The following PAPSS1 variants were observed in gnomAD, a reference collection of about 807,000 sequenced individuals.
PAPSS1 encodes the protein 3'-phosphoadenosine 5'-phosphosulfate synthase 1.
PAPSS1 carries 50 observed loss-of-function variants against 72.0 expected under a neutral mutation model. That is an observed-to-expected ratio of 0.69 (90% confidence interval 0.55 to 0.88). PAPSS1 has a LOEUF of 0.88. Among genes scored for constraint, PAPSS1 ranks in the 40% least tolerant of loss-of-function variants. PAPSS1 has a pLI of 0.00. For missense variants in PAPSS1, 657 were observed against 782.2 expected (o/e 0.84, Z 1.91); for synonymous variants, 261 against 263.6 (o/e 0.99, Z 0.09).
rs1726233071 is a variant in PAPSS1 at position 107,631,849 on chromosome 4, A to G, written c.1518T>C (p.His506=). The G allele has an allele frequency of 6.2e-7, 1 of 1,612,454 alleles. No individual in the cohort carries two copies. ...MYAGPTEVQW[H]CRARMVAGAN... The stretch of plus-strand genomic sequence containing the variant: ...CTCCTGCAACCATCCGTGCTCTGCA[A>G]TGCCACTGGACCTAGAATAAAAGTT... Residue 506 remains histidine, a synonymous_variant, in exon 11 of 12, where the codon CAT becomes CAC. Transcript: ENST00000265174.
At chr4:107,715,849 T>G (rs2125944196) in intron 1 of PAPSS1, among the ~76,000 whole-genome samples, 1 of 152,320 alleles carries the variant, frequency 6.6e-6, no homozygotes, top group East Asian at 1.9e-4. Flanking sequence ...TCTTTAAACC[T>G]CACTATAACC....
At chr4:107,720,059 G>A (rs1723741009) in intron 1 of PAPSS1, 61 bp downstream of exon 1, 7 of 1,566,400 alleles carry the variant, frequency 4.5e-6, no homozygotes, top group Non-Finnish European at 5.2e-6. Context: ...CGGCGGCTCC[G>A]GAACGAGCTG....
chr4:107,661,126 T>C (rs1727169728), intron 5 of PAPSS1, among the ~76,000 whole-genome samples: 1 of 152,272 alleles, frequency 6.6e-6, no homozygotes, highest in South Asian at 2.1e-4. Flanking sequence ...TCATATGTCA[T>C]TAGGAAATTG....
intron 7 of PAPSS1, 57 bp downstream of exon 7, chr4:107,656,839 G>A: frequency 1.7e-6 from 2 of 1,201,408 alleles, no homozygotes; most frequent in Non-Finnish European, 2.5e-6. Context: ...ACAAATCTCT[G>A]CAACTATGTA....
chr4:107,679,731 A>G (rs972339881), intron 5 of PAPSS1, among the ~76,000 whole-genome samples: 2 of 150,468 alleles, frequency 1.3e-5, no homozygotes, highest in African/African-American at 4.9e-5. Flanking sequence ...CAGGCTGGAG[A>G]GCAGTGGCGC....
intron 1 of PAPSS1, among the ~76,000 whole-genome samples, chr4:107,703,797 T>G (rs559403340): frequency 1.3e-5 from 2 of 152,340 alleles, no homozygotes; most frequent in South Asian, 2.1e-4. Context: ...ACCTCCCGCT[T>G]TGTTATCTTT....
intron 4 of PAPSS1, among the ~76,000 whole-genome samples, chr4:107,686,183 C>T (rs17037987): frequency 0.039 from 5,936 of 152,166 alleles, 416 homozygotes; most frequent in African/African-American, 0.14. Flanking sequence ...GGAAGCGGAC[C>T]ATAAAACCTA....
At chr4:107,655,826 C>T (rs1467010345) in intron 7 of PAPSS1, among the ~76,000 whole-genome samples, 1 of 152,172 alleles carries the variant, frequency 6.6e-6, no homozygotes, top group African/African-American at 2.4e-5. Flanking sequence ...GTCCACAAGA[C>T]TTTGCAATTA....
chr4:107,634,716 C>T (rs537846447), intron 10 of PAPSS1, among the ~76,000 whole-genome samples: 1 of 148,918 alleles, frequency 6.7e-6, no homozygotes, highest in East Asian at 2.0e-4. Context: ...ATACATTACA[C>T]AAGTTGGAAA....
At chr4:107,627,864 T>C (rs1014459424) in intron 11 of PAPSS1, among the ~76,000 whole-genome samples, 11 of 152,140 alleles carry the variant, frequency 7.2e-5, no homozygotes, top group Admixed American at 7.2e-4. Flanking sequence ...GGTGTACATA[T>C]ATAGTATATA....
chr4:107,686,920 C>T, intron 4 of PAPSS1, 119 bp downstream of exon 4: 1 of 922,660 alleles, frequency 1.1e-6, no homozygotes, highest in Middle Eastern at 2.2e-4. Flanking sequence ...AGACTACATT[C>T]TCTCCTCAAG....
At chr4:107,667,174 A>G (rs981838616) in intron 5 of PAPSS1, among the ~76,000 whole-genome samples, 1 of 152,118 alleles carries the variant, frequency 6.6e-6, no homozygotes, top group Non-Finnish European at 1.5e-5. Context: ...CTACATAAAA[A>G]CTTCTAAATG....
At chr4:107,657,305 T>C (rs1031101220) in intron 6 of PAPSS1, among the ~76,000 whole-genome samples, 2 of 152,204 alleles carry the variant, frequency 1.3e-5, no homozygotes, top group African/African-American at 4.8e-5. Flanking sequence ...CTGCTTCATC[T>C]GCAGAGTTTC....
chr4:107,651,860 T>C (rs909365137), intron 9 of PAPSS1, among the ~76,000 whole-genome samples: 1 of 152,194 alleles, frequency 6.6e-6, no homozygotes, highest in Admixed American at 6.5e-5. Context: ...TTTCACTTTT[T>C]AAAGTAAAAT....
In PAPSS1 at chr4:107,614,364, G is replaced by A. The variant is rs1127014; in HGVS notation, c.1760C>T (p.Ser587Leu). 6.2e-7 allele frequency: 1 copy of A among 1,613,460 alleles called. No homozygotes were observed. The highest frequency in any genetic ancestry group is 1.1e-5 in the South Asian group (1 of 91,022). The change falls in exon 12 of 12, where the codon TCA (serine) becomes TTA (leucine). Residue 587 changes from serine (S) to leucine (L), a missense_variant. Ser to Leu is a moderately radical substitution (Grantham distance 145, BLOSUM62 -2). Coordinates refer to ENST00000265174, the MANE Select transcript of PAPSS1 (RefSeq NM_005443.5). Reference protein sequence around the residue: ...SEHHEDFEFISGTRMRKLARE... With the variant: ...SEHHEDFEFILGTRMRKLARE... ...AGCAAGTTTGCGCATTCGTGTTCCT[G>A]AAATAAATTCAAAGTCTTCATGGCT...
At chr4:107,633,196 A>T (rs1726266639) in intron 10 of PAPSS1, among the ~76,000 whole-genome samples, 1 of 152,208 alleles carries the variant, frequency 6.6e-6, no homozygotes, top group Non-Finnish European at 1.5e-5. Flanking sequence ...TGAGGTTCTT[A>T]TTCCCCAACA....
intron 5 of PAPSS1, among the ~76,000 whole-genome samples, chr4:107,671,593 A>T (rs1489940821): frequency 1.3e-5 from 2 of 152,174 alleles, no homozygotes; most frequent in African/African-American, 4.8e-5. Flanking sequence ...CACTAACAAG[A>T]TATAAAAAAA....
intron 5 of PAPSS1, among the ~76,000 whole-genome samples, chr4:107,680,844 C>T (rs1727786157): frequency 6.6e-6 from 1 of 152,044 alleles, no homozygotes; most frequent in Non-Finnish European, 1.5e-5. Flanking sequence ...AGCATAAAAC[C>T]TCCTGGGATG....
At chr4:107,710,789 G>A (rs1345947395) in intron 1 of PAPSS1, among the ~76,000 whole-genome samples, 1 of 152,162 alleles carries the variant, frequency 6.6e-6, no homozygotes, top group East Asian at 1.9e-4. Flanking sequence ...CTGTCCATCT[G>A]CAAAGATGGA....
Sources: allele counts gnomAD v4.1 joint callset (sites outside exome capture counted in the v4.1 genomes callset), GRCh38; gene constraint gnomAD v4.1.1; transcripts MANE v1.5; gene names NCBI Gene and HGNC (gene_info 2026-07-23, HGNC 2026-07-21).